PDE1A: variants seen among roughly 807,000 people sequenced by gnomAD.
The protein encoded by PDE1A is dual specificity calcium/calmodulin-dependent 3',5'-cyclic nucleotide phosphodiesterase 1A.
Under a neutral mutation model 61.7 loss-of-function variants are expected in PDE1A, and 35 were observed. The ratio of observed to expected loss-of-function variants is 0.57; its 90% confidence interval spans 0.43 to 0.75. PDE1A has a LOEUF of 0.75. PDE1A is among the 30% of genes least tolerant of loss of function. PDE1A has a pLI of 0.00. For synonymous variants in PDE1A, 232 were observed against 213.2 expected (o/e 1.09, Z -0.77); for missense variants, 597 against 630.6 (o/e 0.95, Z 0.57).
In PDE1A at chr2:182,296,032, T is replaced by A. The variant is rs1694861463; in HGVS notation, c.54-31618A>T. On this transcript the variant is annotated intron_variant, in intron 1 of 13. Coordinates refer to ENST00000351439, the Ensembl canonical transcript of PDE1A. Reference sequence around the variant, plus strand: ...AACTCTGAGTTCACAATTGGTTGAATATTTTAAGCAAGGTAATGCTTTCAA... The same window carrying A: ...AACTCTGAGTTCACAATTGGTTGAAAATTTTAAGCAAGGTAATGCTTTCAA... Among the ~76,000 whole-genome samples the A allele has an allele frequency of 2.0e-5, 3 of 152,198 alleles. No homozygotes were observed. In the South Asian group the frequency reaches 6.2e-4, roughly 31 times the overall value.
chr2:182,218,988 C>G (rs1381565029), intron 7 of PDE1A, among the ~76,000 whole-genome samples: 1 of 152,026 alleles, frequency 6.6e-6, no homozygotes, highest in African/African-American at 2.4e-5. Context: ...CCCCTTTGTA[C>G]CCATTCAAGA....
intron 2 of PDE1A, among the ~76,000 whole-genome samples, chr2:182,481,795 C>T (rs930738867): frequency 6.6e-6 from 1 of 151,856 alleles, no homozygotes; most frequent in Non-Finnish European, 1.5e-5. Flanking sequence ...TGGCACATGG[C>T]CCCAGTGCTC....
the PDE1A span, among the ~76,000 whole-genome samples, chr2:182,624,124 C>CAAAAAAA: frequency 9.1e-6 from 1 of 110,010 alleles, no homozygotes. Flanking sequence ...GACTCCGTCT[C>CAAAAAAA]AAAAAAAAAA....
chr2:182,239,399 C>A (rs1184274201), intron 3 of PDE1A, among the ~76,000 whole-genome samples: 2 of 152,052 alleles, frequency 1.3e-5, no homozygotes, highest in Non-Finnish European at 2.9e-5. Flanking sequence ...TTCTGTCAAA[C>A]ATAAAATGTC....
chr2:182,715,925 T>C, the PDE1A span: 1 of 152,146 alleles, frequency 6.6e-6, no homozygotes, highest in Non-Finnish European at 1.5e-5. Context: ...TTTAAAAGAC[T>C]CTCAGGGAAC....
At chr2:182,413,543 A>C (rs80175155) in intron 1 of PDE1A, among the ~76,000 whole-genome samples, 3,418 of 152,304 alleles carry the variant, frequency 0.022, 58 homozygotes, top group South Asian at 0.047. Context: ...GAGGATTAAA[A>C]GTACAGGGAA....
intron 2 of PDE1A, among the ~76,000 whole-genome samples, chr2:182,432,640 C>T (rs534776552): frequency 2.0e-5 from 3 of 152,170 alleles, no homozygotes; most frequent in African/African-American, 4.8e-5. Context: ...TATATAAATA[C>T]ATATTCTTTT....
chr2:182,230,724 A>G (rs982252451), intron 5 of PDE1A, among the ~76,000 whole-genome samples: 13 of 152,140 alleles, frequency 8.5e-5, no homozygotes, highest in African/African-American at 3.1e-4. Flanking sequence ...ATATTTCTTT[A>G]AGACATAGCT....
In PDE1A at chr2:182,499,325, C is replaced by A. The variant is rs529619964; in HGVS notation, c.101+22951G>T. Among the ~76,000 whole-genome samples, 5 of 152,044 alleles carry A rather than the reference C, an allele frequency of 3.3e-5. No individual in the cohort carries two copies. In the South Asian group the frequency reaches 1.0e-3, roughly 32 times the overall value. On this transcript the variant is annotated intron_variant, in intron 2 of 14. Transcript: ENST00000410103. ...CCAAGTAGCTGGGACTACAGGCGCC[C>A]GCAACTGTACTCCGCTAATTTTTTG...
intron 2 of PDE1A, among the ~76,000 whole-genome samples, chr2:182,503,897 GTGAA>G (rs1689243915): frequency 6.6e-6 from 1 of 152,168 alleles, no homozygotes; most frequent in Non-Finnish European, 1.5e-5. Flanking sequence ...CCATGCGCCA[GTGAA>G]TGAATATTTG....
chr2:182,608,362 G>A, the PDE1A span, among the ~76,000 whole-genome samples: 1 of 152,230 alleles, frequency 6.6e-6, no homozygotes, highest in Non-Finnish European at 1.5e-5. Flanking sequence ...CGGCCTTGGC[G>A]CCCACTCTGG....
At chr2:182,338,384 C>T (rs566325319) in intron 1 of PDE1A, among the ~76,000 whole-genome samples, 2 of 143,490 alleles carry the variant, frequency 1.4e-5, no homozygotes, top group East Asian at 5.7e-4. Flanking sequence ...CTTGATCTAA[C>T]ATGAGAGTTC....
chr2:182,242,924 C>CGTGTGTGTGTGTGTGTG (rs1690660084), intron 2 of PDE1A, among the ~76,000 whole-genome samples: 1 of 39,426 alleles, frequency 2.5e-5, no homozygotes, highest in Admixed American at 2.3e-4. Flanking sequence ...CTCTCTCTCT[C>CGTGTGTGTGTGTGTGTG]TCGTGTGTGT....
chr2:182,487,524 C>G (rs983953068), intron 2 of PDE1A, among the ~76,000 whole-genome samples: 1 of 152,088 alleles, frequency 6.6e-6, no homozygotes, highest in African/African-American at 2.4e-5. Context: ...ATTTAATAAT[C>G]AAAATATGAC....
intron 13 of PDE1A, among the ~76,000 whole-genome samples, chr2:182,173,144 T>C (rs1401000661): frequency 6.6e-6 from 1 of 152,056 alleles, no homozygotes; most frequent in African/African-American, 2.4e-5. Flanking sequence ...TTTCCTGCTC[T>C]TCCCCTACAT....
At chr2:182,559,283 G>C in the PDE1A span, among the ~76,000 whole-genome samples, 2 of 152,074 alleles carry the variant, frequency 1.3e-5, no homozygotes, top group African/African-American at 4.8e-5. Flanking sequence ...CTGATATAAA[G>C]TGAAATCAGG....
chr2:182,202,486 C>A (rs1439021677), intron 8 of PDE1A, among the ~76,000 whole-genome samples: 1 of 152,152 alleles, frequency 6.6e-6, no homozygotes, highest in Non-Finnish European at 1.5e-5. Flanking sequence ...TCCTAACAAT[C>A]CTGAGGGAGC....
the PDE1A span, among the ~76,000 whole-genome samples, chr2:182,701,225 CG>C: frequency 6.6e-6 from 1 of 151,288 alleles, no homozygotes; most frequent in Non-Finnish European, 1.5e-5. Flanking sequence ...TTAGTAAAGA[CG>C]GGGTTTCACC....
chr2:182,235,848 G>A (rs147287512), intron 3 of PDE1A, among the ~76,000 whole-genome samples: 1,727 of 152,212 alleles, frequency 0.011, 19 homozygotes, highest in South Asian at 0.018. Flanking sequence ...TTATAAAACC[G>A]CTATAGAAGA....
Sources: allele counts gnomAD v4.1 joint callset (sites outside exome capture counted in the v4.1 genomes callset), GRCh38; gene constraint gnomAD v4.1.1; transcripts MANE v1.5; gene names NCBI Gene and HGNC (gene_info 2026-07-23, HGNC 2026-07-21).